The following BSN variants were observed in gnomAD, a reference collection of about 807,000 sequenced individuals.
BSN encodes the protein protein bassoon.
Under a neutral mutation model 264.8 loss-of-function variants are expected in BSN, and 57 were observed. That is an observed-to-expected ratio of 0.22 (90% CI 0.17 to 0.27). BSN has a LOEUF of 0.27. Among genes scored for constraint, BSN ranks in the 10% least tolerant of loss-of-function variants. The pLI, the probability that BSN is intolerant of heterozygous loss-of-function variation, is 1.00. For missense variants in BSN, 4,615 were observed against 5,232.5 expected (o/e 0.88, Z 3.64); for synonymous variants, 2,059 against 2,137.3 (o/e 0.96, Z 1.01).
At chr3:49,600,779 G>A (rs139578977) in intron 1 of BSN, among the ~76,000 whole-genome samples, 48 of 152,268 alleles carry the variant, frequency 3.2e-4, no homozygotes, top group Middle Eastern at 6.8e-3. Context: ...ACTCCAGTCT[G>A]GGTGGCAGAG....
At position 49,662,371 on chromosome 3, in the gene BSN, G is replaced by A; in HGVS notation, c.10526G>A (p.Ser3509Asn). Residue 3509 changes from serine to asparagine, a missense_variant, in exon 6 of 12, where the codon AGT becomes AAT. Physicochemically the swap from Ser to Asn is conservative, Grantham distance 46. Coordinates refer to ENST00000296452, the MANE Select transcript of BSN (RefSeq NM_003458.4). ...SQASEEESPV[S>N]PLGRPRPAGG... The stretch of plus-strand genomic sequence containing the variant: ...GCCTCTGAAGAGGAGAGCCCCGTCA[G>A]TCCTTTGGGGAGGCCCCGCCCTGCC... 6.2e-7 allele frequency: 1 copy of A among 1,613,604 alleles called. No individual in the cohort carries two copies. The highest frequency in any genetic ancestry group is 1.1e-5 in the South Asian group (1 of 91,082).
chr3:49,665,717 CAG>C (rs1271224133), intron 11 of BSN, among the ~76,000 whole-genome samples: 1 of 152,254 alleles, frequency 6.6e-6, no homozygotes, highest in African/African-American at 2.4e-5. Context: ...CCAAACCCCA[CAG>C]AGTCACATCT....
At chr3:49,627,021 T>C (rs2108059502) in intron 2 of BSN, among the ~76,000 whole-genome samples, 1 of 152,338 alleles carries the variant, frequency 6.6e-6, no homozygotes, top group Non-Finnish European at 1.5e-5. Context: ...TCTGCCTCAT[T>C]GTGCTGGGAG....
In BSN at chr3:49,625,146, CA is replaced by C; in HGVS notation, c.397del (p.Ser133AlafsTer80). On this transcript the variant is annotated frameshift_variant, in exon 2 of 12. Coordinates refer to ENST00000296452, the MANE Select transcript of BSN (RefSeq NM_003458.4). LOFTEE classifies it high-confidence loss of function. The surrounding 1 kb of genome is among the most constrained non-coding windows in gnomAD (Gnocchi z 4.4). ...DGPRRTLQVD[S>X]RTQRSGRSPS... ...GTCCCCGCAGGACGCTGCAGGTAGACAGCAGGACACAGAGATCAGGGCGGTC... is the reference window on the plus strand; with the variant it reads ...GTCCCCGCAGGACGCTGCAGGTAGACGCAGGACACAGAGATCAGGGCGGTC... 1 of 1,585,384 alleles carries C rather than the reference CA, an allele frequency of 6.3e-7. No homozygotes were observed.
Position 49,655,252 on chromosome 3 carries a change from C to A in BSN, c.5696C>A (p.Ala1899Glu). The A allele has an allele frequency of 6.2e-7, 1 of 1,613,130 alleles. No homozygotes were observed. The highest frequency in any genetic ancestry group is 8.5e-7 in the Non-Finnish European group (1 of 1,179,970). ...GGGATGAGGCCTGAGAGCCAGCTGG[C>A]ATGCTGTGACATGGTCTACAAGCTC... ...LTGMRPESQL[A>E]CCDMVYKLPF... The change falls in exon 5 of 12, where the codon GCA becomes GAA. Residue 1899 changes from alanine to glutamate, a missense_variant. Coordinates refer to ENST00000296452, the MANE Select transcript of BSN (RefSeq NM_003458.4).
intron 1 of BSN, among the ~76,000 whole-genome samples, chr3:49,581,339 C>T (rs975999907): frequency 1.3e-5 from 2 of 152,106 alleles, no homozygotes; most frequent in Non-Finnish European, 2.9e-5. Flanking sequence ...TCCAGTAGTC[C>T]CCCCTTATCT....
intron 1 of BSN, among the ~76,000 whole-genome samples, chr3:49,581,456 A>T (rs1050262461): frequency 3.3e-5 from 5 of 152,170 alleles, no homozygotes; most frequent in African/African-American, 1.2e-4. Context: ...TAACTGTTCT[A>T]TTTTATTATT....
Position 49,642,778 on chromosome 3 carries a change from G to A in BSN, c.1144G>A (p.Gly382Arg), listed in dbSNP as rs1057472978. 1 of 1,613,500 alleles carries A rather than the reference G, an allele frequency of 6.2e-7. No homozygotes were observed. Among genetic ancestry groups the A allele is most frequent in the Non-Finnish European group, 8.5e-7 (1 of 1,180,002 alleles). ...DTQGQPAPSK[G>R]TPKIVFNDAS... ...CCAGGGCCAGCCTGCCCCCAGCAAG[G>A]GGACACCTAAGATCGTCTTCAATGA... Residue 382 changes from glycine (G) to arginine (R), a missense_variant, in exon 3 of 12, where the codon GGG (glycine) becomes AGG (arginine). Coordinates refer to ENST00000296452, the MANE Select transcript of BSN (RefSeq NM_003458.4). The surrounding 1 kb of genome is among the most constrained non-coding windows in gnomAD (Gnocchi z 7.0).
chr3:49,668,079 T>C lies in BSN; in HGVS notation c.*594T>C, dbSNP rs9823546. 6.6e-6 allele frequency: 1 copy of C among 152,490 alleles called. No homozygotes were observed. Among genetic ancestry groups the C allele is most frequent in the African/African-American group, 2.4e-5 (1 of 41,394 alleles). The allele number at this position is 152,490 out of a possible 1,614,324, so 9.4% of individuals were successfully genotyped here. On this transcript the variant is annotated 3_prime_UTR_variant, in exon 12 of 12. Coordinates refer to ENST00000296452, the MANE Select transcript of BSN (RefSeq NM_003458.4). Reference sequence around the variant, plus strand: ...CCCGTCACATGCCCTCTGGGTGACATCGGAGCAGACCTCCATGTGGCCAGG... The same window carrying C: ...CCCGTCACATGCCCTCTGGGTGACACCGGAGCAGACCTCCATGTGGCCAGG...
In BSN at chr3:49,660,236, G is replaced by A. The variant is rs548820495; in HGVS notation, c.8641-250G>A. ...ACATTGGCATGAAGGGAATCTGCCC[G>A]TACCCTCCTGCTTCCCAAAGCTCTG... On this transcript the variant is annotated intron_variant, in intron 5 of 11. Coordinates refer to ENST00000296452, the MANE Select transcript of BSN (RefSeq NM_003458.4). This position sits in a 1 kb window ranked among gnomAD's most constrained non-coding sequence, Gnocchi z 7.1. Among the ~76,000 whole-genome samples, 19 of 152,122 alleles carry A rather than the reference G, an allele frequency of 1.2e-4. No homozygotes were observed. Among genetic ancestry groups the A allele is most frequent in the East Asian group, 1.9e-4 (1 of 5,186 alleles).
chr3:49,654,610 A>G lies in BSN; in HGVS notation c.5054A>G (p.Asp1685Gly), dbSNP rs372618621. 6.2e-7 allele frequency: 1 copy of G among 1,613,880 alleles called. No homozygotes were observed. Among genetic ancestry groups the G allele is most frequent in the Non-Finnish European group, 8.5e-7 (1 of 1,179,928 alleles). ...TPIILTDQGMDLTSLAVEARK... is the reference protein window; with the variant it reads ...TPIILTDQGMGLTSLAVEARK... ...ATCATCCTCACTGACCAGGGCATGG[A>G]CCTCACCTCTCTTGCTGTGGAAGCG... Residue 1685 changes from aspartate (D) to glycine (G), a missense_variant, in exon 5 of 12, where the codon GAC (aspartate) becomes GGC (glycine). Coordinates refer to ENST00000296452, the MANE Select transcript of BSN (RefSeq NM_003458.4). This position sits in a 1 kb window ranked among gnomAD's most constrained non-coding sequence, Gnocchi z 4.1.
intron 10 of BSN, 143 bp downstream of exon 10, chr3:49,664,996 T>C (rs2052701634): frequency 1.5e-6 from 1 of 673,346 alleles, no homozygotes; most frequent in Admixed American, 2.4e-5. Context: ...CAATGTTCCC[T>C]TCTCTGAATG....
intron 1 of BSN, among the ~76,000 whole-genome samples, chr3:49,597,685 C>T (rs1421855164): frequency 1.3e-5 from 2 of 152,094 alleles, no homozygotes; most frequent in Non-Finnish European, 2.9e-5. Flanking sequence ...CTGTGTCGTC[C>T]AGGCTGGAGT....
chr3:49,623,444 A>G (rs2052319704), intron 1 of BSN, among the ~76,000 whole-genome samples: 1 of 152,230 alleles, frequency 6.6e-6, no homozygotes, highest in Non-Finnish European at 1.5e-5. Context: ...AGATGAACTT[A>G]AGTTGGGTCA....
At chr3:49,574,033 T>G (rs2051820208) in intron 1 of BSN, among the ~76,000 whole-genome samples, 1 of 152,130 alleles carries the variant, frequency 6.6e-6, no homozygotes. Flanking sequence ...CATTGCAGCC[T>G]CAGCCTCCCG....
At chr3:49,562,120 T>C (rs557936851) in intron 1 of BSN, among the ~76,000 whole-genome samples, 91 of 152,290 alleles carry the variant, frequency 6.0e-4, no homozygotes, top group African/African-American at 2.1e-3. Context: ...CCTAGATCTC[T>C]TGAATTTATT....
In BSN at chr3:49,656,335, G is replaced by A. The variant is rs757758767; in HGVS notation, c.6779G>A (p.Arg2260His). 1.7e-5 allele frequency: 27 copies of A among 1,611,762 alleles called. No individual in the cohort carries two copies. The highest frequency in any genetic ancestry group is 6.6e-5 in the South Asian group (6 of 90,792). Reference protein sequence around the residue: ...RVPLGPTGLYRYPAPSRFPIA... With the variant: ...RVPLGPTGLYHYPAPSRFPIA... Reference sequence around the variant, plus strand: ...CCTCTTGGACCCACAGGGCTGTACCGCTATCCTGCACCAAGTAGATTTCCC... The same window carrying A: ...CCTCTTGGACCCACAGGGCTGTACCACTATCCTGCACCAAGTAGATTTCCC... Residue 2260 changes from arginine (R) to histidine (H), a missense_variant, in exon 5 of 12, where the codon CGC becomes CAC. Physicochemically the swap from Arg to His is conservative, Grantham distance 29. This residue lies in a region of BSN where 3,415 missense variants were observed against 3,866.4 expected (regional missense o/e 0.88). Coordinates refer to ENST00000296452, the MANE Select transcript of BSN (RefSeq NM_003458.4).
At chr3:49,658,677 G>GC (rs1390321883) in intron 5 of BSN, among the ~76,000 whole-genome samples, 3 of 152,184 alleles carry the variant, frequency 2.0e-5, no homozygotes, top group Admixed American at 2.0e-4. Flanking sequence ...CACCCCTATG[G>GC]CCTAGCACTA....
chr3:49,662,962 G>C lies in BSN; in HGVS notation c.10804G>C (p.Ala3602Pro). ...SDRFRHHGGH[A>P]VSSSSQKRGP... ...CCGGTTCAGGCACCACGGGGGCCATGCAGTTTCCTCCTCCTCCCAGAAGCG... is the reference window on the plus strand; with the variant it reads ...CCGGTTCAGGCACCACGGGGGCCATCCAGTTTCCTCCTCCTCCCAGAAGCG... The change falls in exon 7 of 12, where the codon GCA becomes CCA. Residue 3602 changes from alanine to proline, a missense_variant. Ala to Pro is a conservative substitution (Grantham distance 27). This residue lies in a region of BSN where 3,415 missense variants were observed against 3,866.4 expected (regional missense o/e 0.88). Coordinates refer to ENST00000296452, the MANE Select transcript of BSN (RefSeq NM_003458.4). 1 of 1,614,166 alleles carries C rather than the reference G, an allele frequency of 6.2e-7. No individual in the cohort carries two copies. The highest frequency in any genetic ancestry group is 8.5e-7 in the Non-Finnish European group (1 of 1,180,024).
Sources: allele counts gnomAD v4.1 joint callset (sites outside exome capture counted in the v4.1 genomes callset), GRCh38; gene constraint gnomAD v4.1.1; regional missense constraint gnomAD v4.1.1; non-coding constraint Gnocchi (gnomAD v3.1); transcripts MANE v1.5; gene names NCBI Gene and HGNC (gene_info 2026-07-23, HGNC 2026-07-21).